The following GABRG3 variants were observed in gnomAD, a reference collection of about 807,000 sequenced individuals.
The protein encoded by GABRG3 is gamma-aminobutyric acid receptor subunit gamma-3.
Under a neutral mutation model 48.8 loss-of-function variants are expected in GABRG3, and 25 were observed. That is an observed-to-expected ratio of 0.51 (90% confidence interval 0.37 to 0.72). The LOEUF (loss-of-function observed/expected upper bound fraction) is 0.72. Among genes scored for constraint, GABRG3 ranks in the 30% least tolerant of loss-of-function variants. The pLI is 0.00. For synonymous variants in GABRG3, 227 were observed against 217.6 expected (o/e 1.04, Z -0.38); for missense variants, 394 against 577.9 (o/e 0.68, Z 3.26).
At chr15:27,016,238 TTC>T (rs1478757691) in intron 2 of GABRG3, among the ~76,000 whole-genome samples, 1 of 112,756 alleles carries the variant, frequency 8.9e-6, no homozygotes, top group African/African-American at 3.7e-5. Flanking sequence ...CTTTCTTTCT[TTC>T]TTTTTTTTTT....
In GABRG3 at chr15:27,448,004, A is replaced by G. The variant is rs184453180; in HGVS notation, c.575-32646A>G. On this transcript the variant is annotated intron_variant, in intron 5 of 9. Transcript: ENST00000615808. ...ATCCCAGAACTTAAAGTATAATAAG[A>G]TAAAATACACAAATAAATATTTATA... 3.5e-4 allele frequency among the ~76,000 whole-genome samples: 53 copies of G among 152,348 alleles called. 1 individual carries two copies. The highest frequency in any genetic ancestry group is 5.3e-4 in the African/African-American group (22 of 41,574).
At chr15:27,162,146 A>G (rs552728141) in intron 3 of GABRG3, among the ~76,000 whole-genome samples, 1 of 152,294 alleles carries the variant, frequency 6.6e-6, no homozygotes, top group South Asian at 2.1e-4. Context: ...ATGCTTAGGA[A>G]AAAATTAAGG....
chr15:27,151,174 T>C (rs567137488), intron 3 of GABRG3, among the ~76,000 whole-genome samples: 1 of 152,322 alleles, frequency 6.6e-6, no homozygotes, highest in Admixed American at 6.5e-5. Context: ...TTGGTAAAGA[T>C]AGATAGATCC....
chr15:27,515,153 A>G (rs1050172158), intron 6 of GABRG3, among the ~76,000 whole-genome samples: 1 of 151,794 alleles, frequency 6.6e-6, no homozygotes. Flanking sequence ...GCATTCCGAG[A>G]TAGTTCTCGG....
intron 3 of GABRG3, among the ~76,000 whole-genome samples, chr15:27,241,572 G>A (rs932584562): frequency 2.0e-5 from 3 of 152,212 alleles, no homozygotes; most frequent in African/African-American, 7.2e-5. Context: ...GGCATTCAGT[G>A]ACAGGACTGT....
intron 3 of GABRG3, among the ~76,000 whole-genome samples, chr15:27,308,804 A>G (rs1463455352): frequency 6.7e-6 from 1 of 150,200 alleles, no homozygotes; most frequent in Non-Finnish European, 1.5e-5. Context: ...ATACGTTTAT[A>G]TAAAAACACA....
intron 2 of GABRG3, among the ~76,000 whole-genome samples, chr15:27,020,574 GC>G (rs1595476502): frequency 9.1e-6 from 1 of 110,082 alleles, no homozygotes; most frequent in African/African-American, 3.7e-5. Flanking sequence ...ACCACGCCCG[GC>G]TAATTTTTTT....
chr15:27,026,736 A>C lies in GABRG3; in HGVS notation c.203-18A>C, dbSNP rs372724076. ...TCTCCGGCACGAAGTATTAACATAC[A>C]TGTATTTTTCTCCACAGTAAAACCG... On this transcript the variant is annotated intron_variant, in intron 2 of 9. Coordinates refer to ENST00000615808, the MANE Select transcript of GABRG3 (RefSeq NM_033223.5). The C allele has an allele frequency of 2.3e-5, 36 of 1,598,268 alleles. No homozygotes were observed. The highest frequency in any genetic ancestry group is 3.1e-5 in the Non-Finnish European group (36 of 1,168,696).
intron 3 of GABRG3, among the ~76,000 whole-genome samples, chr15:27,252,993 C>T (rs907518556): frequency 6.6e-6 from 1 of 152,202 alleles, no homozygotes; most frequent in Non-Finnish European, 1.5e-5. Context: ...CGACACCAGC[C>T]CAGGTCTCAG....
At chr15:27,514,205 T>C (rs1481604972) in intron 6 of GABRG3, among the ~76,000 whole-genome samples, 1 of 152,226 alleles carries the variant, frequency 6.6e-6, no homozygotes, top group African/African-American at 2.4e-5. Context: ...ACCAATGCTA[T>C]TGTATTAGTT....
chr15:27,403,040 C>T (rs1887519493), intron 5 of GABRG3, among the ~76,000 whole-genome samples: 1 of 151,650 alleles, frequency 6.6e-6, no homozygotes, highest in African/African-American at 2.4e-5. Context: ...CTAGAATGTT[C>T]AAGTAAGTAA....
intron 3 of GABRG3, among the ~76,000 whole-genome samples, chr15:27,248,801 CACAGAGAGAG>C (rs1304763576): frequency 4.1e-5 from 5 of 120,642 alleles, no homozygotes; most frequent in South Asian, 2.8e-4. Context: ...CACACACACA[CACAGAGAGAG>C]AGAGAGAGAG....
chr15:27,309,010 TATATGTTTATATAGAAACATAATGTAAAC>T (rs1406886185), intron 3 of GABRG3, among the ~76,000 whole-genome samples: 5 of 145,876 alleles, frequency 3.4e-5, no homozygotes, highest in African/African-American at 1.2e-4. Flanking sequence ...AATGTAAAAA[TATATGTTTATATAGAAACATAATGTAAAC>T]ATATGTTTAT....
intron 3 of GABRG3, among the ~76,000 whole-genome samples, chr15:27,175,623 G>A (rs1046315696): frequency 6.6e-6 from 1 of 152,206 alleles, no homozygotes; most frequent in Non-Finnish European, 1.5e-5. Flanking sequence ...CTCTCACGGG[G>A]ACATTACTGG....
At chr15:27,274,097 T>C (rs1891175728) in intron 3 of GABRG3, among the ~76,000 whole-genome samples, 1 of 152,104 alleles carries the variant, frequency 6.6e-6, no homozygotes, top group South Asian at 2.1e-4. Flanking sequence ...GTCATGATGC[T>C]CTGGAGAAAG....
chr15:27,386,426 T>C (rs2140568114), intron 5 of GABRG3, among the ~76,000 whole-genome samples: 1 of 152,298 alleles, frequency 6.6e-6, no homozygotes, highest in African/African-American at 2.4e-5. Context: ...AATTTCTGGC[T>C]GATCAGCTTT....
intron 5 of GABRG3, among the ~76,000 whole-genome samples, chr15:27,358,126 A>G (rs1334455713): frequency 6.6e-6 from 1 of 152,164 alleles, no homozygotes; most frequent in East Asian, 1.9e-4. Context: ...CAAAATTCCA[A>G]TTTCCACTGG....
At chr15:26,988,138 T>G (rs552777874) in intron 2 of GABRG3, among the ~76,000 whole-genome samples, 7 of 152,316 alleles carry the variant, frequency 4.6e-5, no homozygotes, top group Non-Finnish European at 1.0e-4. Context: ...TTAGATGCAG[T>G]TGTTTCATAA....
At chr15:27,530,645 A>T (rs1471375533) in intron 9 of GABRG3, 1 of 470,936 alleles carries the variant, frequency 2.1e-6, no homozygotes, top group Non-Finnish European at 4.4e-6. Flanking sequence ...TGTGGCCTCC[A>T]AGGGTTGCCC....
Sources: allele counts gnomAD v4.1 joint callset (sites outside exome capture counted in the v4.1 genomes callset), GRCh38; gene constraint gnomAD v4.1.1; transcripts MANE v1.5; gene names NCBI Gene and HGNC (gene_info 2026-07-23, HGNC 2026-07-21).